DCC: variants seen among roughly 807,000 people sequenced by gnomAD.
DCC encodes DCC netrin 1 receptor.
Under a neutral mutation model 172.5 loss-of-function variants are expected in DCC, and 58 were observed. That is an observed-to-expected ratio of 0.34 (90% CI 0.27 to 0.42). DCC has a LOEUF of 0.42. Among genes scored for constraint, DCC ranks in the 10% least tolerant of loss-of-function variants. The probability of loss-of-function intolerance (pLI) is 1.00; values close to 1 mark genes in which losing one functional copy is unlikely to be tolerated. For synonymous variants in DCC, 709 were observed against 644.5 expected (o/e 1.10, Z -1.52); for missense variants, 1,740 against 1,791.0 (o/e 0.97, Z 0.51).
chr18:52,460,942 G>A (rs1394376271), intron 1 of DCC, among the ~76,000 whole-genome samples: 1 of 152,076 alleles, frequency 6.6e-6, no homozygotes, highest in Non-Finnish European at 1.5e-5. Flanking sequence ...TACTGAAGCT[G>A]TACTAAATTT....
At chr18:52,397,042 C>G (rs1208592597) in intron 1 of DCC, among the ~76,000 whole-genome samples, 1 of 152,020 alleles carries the variant, frequency 6.6e-6, no homozygotes. Flanking sequence ...AAAAATGTTA[C>G]TGCATTTTGC....
At chr18:52,544,702 G>A (rs1568221641) in intron 1 of DCC, among the ~76,000 whole-genome samples, 1 of 151,928 alleles carries the variant, frequency 6.6e-6, no homozygotes, top group East Asian at 1.9e-4. Flanking sequence ...GTATCATCTG[G>A]AAAAAATATA....
At chr18:53,515,414 C>G (rs1027514271) in intron 27 of DCC, among the ~76,000 whole-genome samples, 5 of 150,772 alleles carry the variant, frequency 3.3e-5, no homozygotes, top group African/African-American at 1.2e-4. Context: ...TCTCTCACCA[C>G]TCGTATTCAA....
chr18:53,226,277 T>C (rs1169193371), intron 12 of DCC, among the ~76,000 whole-genome samples: 2 of 152,132 alleles, frequency 1.3e-5, no homozygotes, highest in Non-Finnish European at 2.9e-5. Context: ...AAAGGTAAGG[T>C]CTAGATCAGC....
chr18:53,099,058 T>C (rs2043126472), intron 7 of DCC, among the ~76,000 whole-genome samples: 2 of 152,080 alleles, frequency 1.3e-5, no homozygotes, highest in Non-Finnish European at 1.5e-5. Flanking sequence ...GAGAGGTATT[T>C]TGATGCAGAA....
chr18:52,784,078 C>T (rs2037606685), intron 2 of DCC, among the ~76,000 whole-genome samples: 1 of 152,002 alleles, frequency 6.6e-6, no homozygotes, highest in Non-Finnish European at 1.5e-5. Flanking sequence ...CTCTCTTCAT[C>T]CTCCTCCTCC....
chr18:52,496,899 GA>G (rs199795730), intron 1 of DCC, among the ~76,000 whole-genome samples: 3 of 150,764 alleles, frequency 2.0e-5, no homozygotes, highest in East Asian at 1.9e-4. Flanking sequence ...TCTTTCACAT[GA>G]AAAAAAACAG....
At chr18:52,656,028 G>GCGTA (rs1555710494) in intron 1 of DCC, among the ~76,000 whole-genome samples, 1 of 112,636 alleles carries the variant, frequency 8.9e-6, no homozygotes, top group South Asian at 3.1e-4. Context: ...GTATATATAT[G>GCGTA]TATATATGTG....
chr18:52,519,727 T>C (rs893177047), intron 1 of DCC, among the ~76,000 whole-genome samples: 2 of 152,182 alleles, frequency 1.3e-5, no homozygotes, highest in East Asian at 1.9e-4. Context: ...GCCATGACTA[T>C]GTAATGTGGA....
At chr18:52,379,636 TA>T (rs1985501065) in intron 1 of DCC, among the ~76,000 whole-genome samples, 1 of 152,200 alleles carries the variant, frequency 6.6e-6, no homozygotes, top group Non-Finnish European at 1.5e-5. Context: ...TAATTTTTGT[TA>T]TTTTTCTTCC....
intron 15 of DCC, among the ~76,000 whole-genome samples, chr18:53,371,873 A>G (rs566107302): frequency 6.6e-6 from 1 of 152,128 alleles, no homozygotes; most frequent in African/African-American, 2.4e-5. Flanking sequence ...CCTAAGCATC[A>G]CTAATCATTA....
intron 5 of DCC, among the ~76,000 whole-genome samples, chr18:53,045,652 C>A (rs761003104): frequency 6.6e-6 from 1 of 151,790 alleles, no homozygotes; most frequent in Non-Finnish European, 1.5e-5. Context: ...CAATGAAAAT[C>A]CCTAGACTTC....
At chr18:53,095,088 G>A (rs1286126746) in intron 7 of DCC, among the ~76,000 whole-genome samples, 1 of 152,140 alleles carries the variant, frequency 6.6e-6, no homozygotes, top group Admixed American at 6.5e-5. Context: ...TATCTGTTTT[G>A]CAATTTTAAA....
At position 53,361,499 on chromosome 18, in the gene DCC, G is replaced by A. The variant is rs978935848; in HGVS notation, c.2359+21592G>A. On this transcript the variant is annotated intron_variant, in intron 15 of 28. Coordinates refer to ENST00000442544, the MANE Select transcript of DCC (RefSeq NM_005215.4). ...AGAAAGAAAGCATTAGAGTGACAGG[G>A]AATGATCACATTAGAAGACTCTAGG... is the stretch of plus-strand genomic sequence containing the variant. 1.6e-4 allele frequency among the ~76,000 whole-genome samples: 24 copies of A among 152,114 alleles called. 1 individual carries two copies. Among genetic ancestry groups the A allele is most frequent in the Admixed American group, 1.4e-3 (22 of 15,256 alleles).
chr18:52,703,223 A>C (rs546065195), intron 1 of DCC, among the ~76,000 whole-genome samples: 16 of 152,274 alleles, frequency 1.1e-4, no homozygotes, highest in Non-Finnish European at 1.9e-4. Flanking sequence ...CCCACTTAAA[A>C]ACAAAATGAA....
intron 7 of DCC, among the ~76,000 whole-genome samples, chr18:53,091,092 C>A (rs879634571): frequency 1.3e-5 from 2 of 151,934 alleles, no homozygotes; most frequent in Non-Finnish European, 2.9e-5. Flanking sequence ...TGAGCCCCAA[C>A]TCTCTATAGC....
At chr18:53,517,235 G>A (rs1598838841) in intron 27 of DCC, among the ~76,000 whole-genome samples, 1 of 150,556 alleles carries the variant, frequency 6.6e-6, no homozygotes, top group East Asian at 2.0e-4. Context: ...ACTCATAGGT[G>A]GGAATTGAAC....
At chr18:53,499,242 A>C in intron 26 of DCC, 56 bp from the exon 27 acceptor site, 2 of 1,577,420 alleles carry the variant, frequency 1.3e-6, no homozygotes, top group Non-Finnish European at 1.7e-6. Context: ...CCAGTGACTT[A>C]AGGAAAACAG....
chr18:52,977,018 G>T (rs1429390096), intron 5 of DCC, among the ~76,000 whole-genome samples: 1 of 152,128 alleles, frequency 6.6e-6, no homozygotes, highest in African/African-American at 2.4e-5. Context: ...CTAGGCATTG[G>T]TGTGACAATG....
Sources: gnomAD v4.1 joint callset for allele counts (sites outside exome capture counted in the v4.1 genomes callset) on GRCh38, gnomAD v4.1.1 for gene constraint, MANE v1.5 for transcripts, NCBI Gene and HGNC (gene_info 2026-07-23, HGNC 2026-07-21) for gene names.